The following WDR70 variants were observed in gnomAD, a reference collection of about 807,000 sequenced individuals.
The protein encoded by WDR70 is WD repeat-containing protein 70.
A neutral mutation model predicts 88.6 loss-of-function variants in WDR70; 53 were observed. That is an observed-to-expected ratio of 0.60 (90% CI 0.48 to 0.75). WDR70 has a LOEUF of 0.75. Among genes scored for constraint, WDR70 ranks in the 30% least tolerant of loss-of-function variants. The probability of loss-of-function intolerance (pLI) is 0.00; values close to 1 mark genes in which losing one functional copy is unlikely to be tolerated. For missense variants in WDR70, 610 were observed against 823.2 expected, an observed-to-expected ratio of 0.74 and a Z score of 3.17; for synonymous variants, 280 against 270.0, an observed-to-expected ratio of 1.04 and a Z score of -0.36.
chr5:37,641,753 C>T (rs1217696906), intron 10 of WDR70, among the ~76,000 whole-genome samples: 2 of 152,102 alleles, frequency 1.3e-5, no homozygotes, highest in African/African-American at 4.8e-5. Context: ...TCTCCTCCAG[C>T]CTATCCTGGC....
At chr5:37,717,157 G>T (rs1230852536) in intron 13 of WDR70, among the ~76,000 whole-genome samples, 3 of 152,190 alleles carry the variant, frequency 2.0e-5, no homozygotes, top group Non-Finnish European at 4.4e-5. Flanking sequence ...GCTTCATTTT[G>T]TGCTGAAATG....
chr5:37,679,544 C>T (rs926397526), intron 10 of WDR70, among the ~76,000 whole-genome samples: 12 of 152,290 alleles, frequency 7.9e-5, no homozygotes, highest in African/African-American at 2.2e-4. Flanking sequence ...TGCAGAACAG[C>T]GGATTTTCGT....
At chr5:37,618,149 T>G (rs551299484) in intron 10 of WDR70, among the ~76,000 whole-genome samples, 11 of 152,272 alleles carry the variant, frequency 7.2e-5, no homozygotes, top group Admixed American at 2.0e-4. Context: ...AAACCAATCA[T>G]GAACCAAAAA....
intron 5 of WDR70, among the ~76,000 whole-genome samples, chr5:37,429,749 T>C (rs1221674648): frequency 6.6e-6 from 1 of 152,250 alleles, no homozygotes; most frequent in East Asian, 1.9e-4. Flanking sequence ...ACTGTCTTAG[T>C]TACTATAGCT....
intron 5 of WDR70, among the ~76,000 whole-genome samples, chr5:37,408,186 A>G (rs1457536618): frequency 6.6e-6 from 1 of 152,084 alleles, no homozygotes. Flanking sequence ...AGGTAGAGGG[A>G]CAAGGTCAAG....
At chr5:37,460,908 T>C (rs1738978481) in intron 7 of WDR70, among the ~76,000 whole-genome samples, 1 of 151,830 alleles carries the variant, frequency 6.6e-6, no homozygotes, top group South Asian at 2.1e-4. Flanking sequence ...GAGATTAAGC[T>C]CACCTTTTCC....
intron 10 of WDR70, among the ~76,000 whole-genome samples, chr5:37,681,458 A>G (rs1012804210): frequency 1.3e-5 from 2 of 152,160 alleles, no homozygotes; most frequent in Admixed American, 6.5e-5. Flanking sequence ...AGGACTTCCA[A>G]TACTATGTTG....
chr5:37,529,767 A>C (rs1034270198), intron 9 of WDR70, among the ~76,000 whole-genome samples: 2 of 152,154 alleles, frequency 1.3e-5, no homozygotes, highest in African/African-American at 4.8e-5. Flanking sequence ...TATCATCAGC[A>C]AACAGTGGTC....
At chr5:37,451,650 C>T (rs1197099766) in intron 7 of WDR70, among the ~76,000 whole-genome samples, 1 of 151,970 alleles carries the variant, frequency 6.6e-6, no homozygotes, top group Non-Finnish European at 1.5e-5. Flanking sequence ...AGTTCAAAAA[C>T]AGGAATGCTA....
At chr5:37,724,853 T>C in intron 15 of WDR70, 81 bp from the exon 16 acceptor site, 4 of 1,229,138 alleles carry the variant, frequency 3.3e-6, no homozygotes, top group Admixed American at 3.5e-5. Flanking sequence ...ATTTCATCTT[T>C]CAGTTAGTCA....
chr5:37,690,078 T>C (rs571224296), intron 10 of WDR70, among the ~76,000 whole-genome samples: 14 of 152,210 alleles, frequency 9.2e-5, no homozygotes, highest in African/African-American at 3.1e-4. Context: ...CAAGCTTCAA[T>C]AGTCAATTCA....
chr5:37,656,874 TC>T (rs1745569573), intron 10 of WDR70, among the ~76,000 whole-genome samples: 1 of 152,152 alleles, frequency 6.6e-6, no homozygotes, highest in Admixed American at 6.5e-5. Flanking sequence ...GGATCTTAGC[TC>T]ACTGATCTCC....
At chr5:37,752,064 G>T (rs1158100435) in intron 17 of WDR70, among the ~76,000 whole-genome samples, 2 of 152,102 alleles carry the variant, frequency 1.3e-5, no homozygotes, top group Admixed American at 6.6e-5. Context: ...CACTACTGAA[G>T]CCTAGGGACA....
intron 7 of WDR70, among the ~76,000 whole-genome samples, chr5:37,469,400 A>G (rs1739259175): frequency 6.6e-6 from 1 of 152,172 alleles, no homozygotes; most frequent in Non-Finnish European, 1.5e-5. Context: ...GATGTCTTGG[A>G]TATTCTGTTT....
intron 10 of WDR70, among the ~76,000 whole-genome samples, chr5:37,661,244 C>T (rs904408697): frequency 6.6e-6 from 1 of 152,238 alleles, no homozygotes; most frequent in African/African-American, 2.4e-5. Context: ...GGAGGGTTTA[C>T]TGCCCCTTGT....
At chr5:37,433,489 G>C (rs1393635098) in intron 5 of WDR70, among the ~76,000 whole-genome samples, 1 of 152,118 alleles carries the variant, frequency 6.6e-6, no homozygotes, top group East Asian at 1.9e-4. Context: ...CCTTTGAGAG[G>C]AATTGGCTCC....
At chr5:37,558,094 C>T (rs1413674107) in intron 9 of WDR70, among the ~76,000 whole-genome samples, 4 of 151,766 alleles carry the variant, frequency 2.6e-5, no homozygotes, top group Non-Finnish European at 5.9e-5. Context: ...CTTGGCTATT[C>T]AGGTTTCAGT....
chr5:37,495,478 G>C (rs924451316), intron 8 of WDR70, among the ~76,000 whole-genome samples: 5 of 151,776 alleles, frequency 3.3e-5, no homozygotes, highest in African/African-American at 7.3e-5. Flanking sequence ...CTCTCTCTCT[G>C]TGTGTGTGCG....
intron 9 of WDR70, among the ~76,000 whole-genome samples, chr5:37,563,499 G>A (rs1169345963): frequency 3.2e-5 from 2 of 62,478 alleles, no homozygotes; most frequent in Non-Finnish European, 8.0e-5. Flanking sequence ...CCCAGTAGGG[G>A]CGGCCGGGCA....
Sources: gnomAD v4.1 joint callset for allele counts (sites outside exome capture counted in the v4.1 genomes callset) on GRCh38, gnomAD v4.1.1 for gene constraint, MANE v1.5 for transcripts, NCBI Gene and HGNC (gene_info 2026-07-23, HGNC 2026-07-21) for gene names.